Variants in TSC22D2 observed in about 807,000 individuals in gnomAD.
TSC22D2 encodes TSC22 domain family protein 2.
In TSC22D2, 5 loss-of-function variants were observed where a neutral mutation model predicts 50.1. That is an observed-to-expected ratio of 0.10 (90% CI 0.05 to 0.21). TSC22D2 has a LOEUF of 0.21. TSC22D2 is among the 10% of genes least tolerant of loss of function. The pLI is 1.00. For missense variants in TSC22D2, 1,003 were observed against 1,015.5 expected (o/e 0.99, Z 0.17); for synonymous variants, 501 against 450.1 (o/e 1.11, Z -1.43).
rs1177291271 is a variant in TSC22D2 at position 150,409,920 on chromosome 3, A to G, written c.570A>G (p.Ser190=). 2 of 1,613,906 alleles carry G rather than the reference A, an allele frequency of 1.2e-6. No individual in the cohort carries two copies. Among genetic ancestry groups the G allele is most frequent in the Non-Finnish European group, 1.7e-6 (2 of 1,180,012 alleles). ...GTATGGAATACTATGAGAGGGATTCAGACAGCAGCGTCCTGACTAGATCCG... is the reference window on the plus strand; with the variant it reads ...GTATGGAATACTATGAGAGGGATTCGGACAGCAGCGTCCTGACTAGATCCG... ...WTCMEYYERD[S]DSSVLTRSGD... Residue 190 remains serine, a synonymous_variant, in exon 1 of 3, where the codon TCA becomes TCG. Transcript: ENST00000688009. This position sits in a 1 kb window ranked among gnomAD's most constrained non-coding sequence, Gnocchi z 7.4.
intron 1 of TSC22D2, among the ~76,000 whole-genome samples, chr3:150,434,863 T>C (rs77859967): frequency 7.9e-6 from 1 of 126,424 alleles, no homozygotes; most frequent in African/African-American, 2.7e-5. Flanking sequence ...TGTATACATA[T>C]ATATATTTAG....
Position 150,460,208 on chromosome 3 carries a change from C to CT in TSC22D2, c.*1573dup, listed in dbSNP as rs749277869. The CT allele has an allele frequency of 2.0e-5, 3 of 152,128 alleles. No individual in the cohort carries two copies. The highest frequency in any genetic ancestry group is 4.4e-5 in the Non-Finnish European group (3 of 68,020). The allele number at this position is 152,128 out of a possible 1,614,324, so 9.4% of individuals were successfully genotyped here. On this transcript the variant is annotated 3_prime_UTR_variant, in exon 3 of 3. Transcript: ENST00000688009. ...TTAAAGACCTGTTAATAATGACTTACTGATAGTTCTTAAATTTTCAAAGTA... is the reference window on the plus strand; with the variant it reads ...TTAAAGACCTGTTAATAATGACTTACTTGATAGTTCTTAAATTTTCAAAGTA...
At chr3:150,423,298 AAAT>A (rs1296742892) in intron 1 of TSC22D2, 1 of 426,128 alleles carries the variant, frequency 2.3e-6, no homozygotes, top group African/African-American at 2.0e-5. Flanking sequence ...TTTATATAGA[AAAT>A]AAACATACTT....
intron 1 of TSC22D2, among the ~76,000 whole-genome samples, chr3:150,445,322 TAATAATA>T (rs1720846762): frequency 2.5e-5 from 1 of 40,626 alleles, no homozygotes; most frequent in Non-Finnish European, 6.0e-5. Flanking sequence ...TCAAAAATAA[TAATAATA>T]ATAATAATAA....
At chr3:150,456,963 T>A in intron 1 of TSC22D2, 113 bp from the exon 2 acceptor site, 1 of 872,994 alleles carries the variant, frequency 1.1e-6, no homozygotes, top group South Asian at 1.5e-5. Context: ...TAAGCTATTT[T>A]AAATTACTGT....
intron 1 of TSC22D2, among the ~76,000 whole-genome samples, chr3:150,412,681 G>A (rs1719636087): frequency 6.6e-6 from 1 of 152,110 alleles, no homozygotes; most frequent in South Asian, 2.1e-4. Flanking sequence ...CCATAAGTGA[G>A]CTCAGCTAGC....
At chr3:150,456,700 T>G (rs1295121619) in intron 1 of TSC22D2, among the ~76,000 whole-genome samples, 1 of 152,054 alleles carries the variant, frequency 6.6e-6, no homozygotes, top group African/African-American at 2.4e-5. Context: ...TGAAAGGCAA[T>G]TAGAATGTAT....
chr3:150,414,272 G>A (rs555716680), intron 1 of TSC22D2, among the ~76,000 whole-genome samples: 4 of 152,282 alleles, frequency 2.6e-5, no homozygotes, highest in Non-Finnish European at 4.4e-5. Context: ...GTGTAAACTC[G>A]TGGATGTGAT....
intron 1 of TSC22D2, among the ~76,000 whole-genome samples, chr3:150,451,878 T>G (rs1721050896): frequency 6.6e-6 from 1 of 152,064 alleles, no homozygotes; most frequent in African/African-American, 2.4e-5. Context: ...GAGAAGTAGT[T>G]CTCTTATTTT....
intron 1 of TSC22D2, among the ~76,000 whole-genome samples, chr3:150,419,115 G>A (rs775744320): frequency 3.9e-4 from 60 of 152,148 alleles, no homozygotes; most frequent in Admixed American, 7.9e-4. Context: ...GCTTACTTGT[G>A]TCAGGTCCTA....
Position 150,459,764 on chromosome 3 carries a change from CAAAT to C in TSC22D2, c.*1132_*1135del, listed in dbSNP as rs1426874745. 2.1e-5 allele frequency: 3 copies of C among 140,960 alleles called. No individual in the cohort carries two copies. The highest frequency in any genetic ancestry group is 2.1e-4 in the East Asian group (1 of 4,806). 8.7% of individuals were successfully genotyped at this position (140,960 alleles called of 1,614,324 possible). A position where few individuals can be genotyped will look rare whatever the true frequency, so the allele number is the denominator to read the frequency against. ...ATATGTACTAGTCTGTGAACAATGT[CAAAT>C]AAAAGAGAACGAACAGGTAGTTTGG... On this transcript the variant is annotated 3_prime_UTR_variant, in exon 3 of 3. Transcript: ENST00000688009.
intron 1 of TSC22D2, among the ~76,000 whole-genome samples, chr3:150,446,024 G>A (rs1720874940): frequency 6.6e-6 from 1 of 150,800 alleles, no homozygotes; most frequent in African/African-American, 2.4e-5. Flanking sequence ...AACCTGGGAG[G>A]TGGAGGTTGT....
At position 150,410,850 on chromosome 3, in the gene TSC22D2, C is replaced by G. The variant is rs780537037; in HGVS notation, c.1500C>G (p.His500Gln). 6.2e-7 allele frequency: 1 copy of G among 1,613,866 alleles called. No individual in the cohort carries two copies. The highest frequency in any genetic ancestry group is 8.5e-7 in the Non-Finnish European group (1 of 1,180,018). The stretch of plus-strand genomic sequence containing the variant: ...TGTCAGCCGTACCTGGTGGCCCTCA[C>G]GCCGTGGTGCCCGGAGTTCCAAACG... ...GPLSAVPGGPHAVVPGVPNVP... is the reference protein window; with the variant it reads ...GPLSAVPGGPQAVVPGVPNVP... The change falls in exon 1 of 3, where the codon CAC becomes CAG. Residue 500 changes from histidine (H) to glutamine (Q), a missense_variant. By Grantham distance (24) the His-to-Gln change is conservative (BLOSUM62 0). Around this residue, in one of 6 missense-constraint regions of TSC22D2, gnomAD observed 696 missense variants for 647.8 expected, o/e 1.07. Coordinates refer to ENST00000688009, the MANE Select transcript of TSC22D2 (RefSeq NM_001303264.2).
intron 1 of TSC22D2, among the ~76,000 whole-genome samples, chr3:150,443,839 C>T (rs1720794090): frequency 1.3e-5 from 2 of 152,064 alleles, no homozygotes; most frequent in Admixed American, 6.5e-5. Context: ...TCCTTAAATC[C>T]ATGATTCTAA....
At chr3:150,450,244 A>G (rs1721001624) in intron 1 of TSC22D2, among the ~76,000 whole-genome samples, 1 of 152,134 alleles carries the variant, frequency 6.6e-6, no homozygotes, top group Non-Finnish European at 1.5e-5. Context: ...GAAGATGCTG[A>G]CAATAAATAT....
chr3:150,428,835 G>A (rs762532832), intron 1 of TSC22D2, among the ~76,000 whole-genome samples: 5 of 152,110 alleles, frequency 3.3e-5, no homozygotes, highest in South Asian at 2.1e-4. Flanking sequence ...AGGCCTGAGC[G>A]AGCTTACTGA....
chr3:150,448,927 T>G (rs1720962074), intron 1 of TSC22D2, among the ~76,000 whole-genome samples: 1 of 151,682 alleles, frequency 6.6e-6, no homozygotes, highest in Non-Finnish European at 1.5e-5. Flanking sequence ...TGTAACATTT[T>G]TATTGTGTAA....
chr3:150,447,041 T>G (rs1231390351), intron 1 of TSC22D2, among the ~76,000 whole-genome samples: 3 of 152,178 alleles, frequency 2.0e-5, no homozygotes, highest in Non-Finnish European at 4.4e-5. Flanking sequence ...TTATGTGCTT[T>G]TCACTGGTAT....
In TSC22D2 at chr3:150,409,245, G is replaced by T. The variant is rs1719398433; in HGVS notation, c.-106G>T. On this transcript the variant is annotated 5_prime_UTR_variant, in exon 1 of 3. Coordinates refer to ENST00000688009, the MANE Select transcript of TSC22D2 (RefSeq NM_001303264.2). This position sits in a 1 kb window ranked among gnomAD's most constrained non-coding sequence, Gnocchi z 7.4. ...TAACAGCGGCGGGCCTCAGACCCCAGCGCAGACTCGGACTTTGTCTTTGGG... is the reference window on the plus strand; with the variant it reads ...TAACAGCGGCGGGCCTCAGACCCCATCGCAGACTCGGACTTTGTCTTTGGG... The T allele has an allele frequency of 1.5e-6, 2 of 1,348,618 alleles. No homozygotes were observed. Among genetic ancestry groups the T allele is most frequent in the African/African-American group, 1.5e-5 (1 of 68,130 alleles). The allele number at this position is 1,348,618 out of a possible 1,614,324, so 83.5% of individuals were successfully genotyped here.
Sources: allele counts gnomAD v4.1 joint callset (sites outside exome capture counted in the v4.1 genomes callset), GRCh38; gene constraint gnomAD v4.1.1; regional missense constraint gnomAD v4.1.1; non-coding constraint Gnocchi (gnomAD v3.1); transcripts MANE v1.5; gene names NCBI Gene and HGNC (gene_info 2026-07-23, HGNC 2026-07-21).